The following COL22A1 variants were observed in gnomAD, a reference collection of about 807,000 sequenced individuals.
The protein encoded by COL22A1 is collagen type XXII alpha 1 chain.
A neutral mutation model predicts 248.9 loss-of-function variants in COL22A1; 221 were observed. The ratio of observed to expected loss-of-function variants is 0.89; its 90% CI spans 0.80 to 0.99. The LOEUF (loss-of-function observed/expected upper bound fraction) is 0.99. Ranked by LOEUF, COL22A1 falls within the 50% of genes least tolerant of loss-of-function variation. The pLI is 0.00. For missense variants in COL22A1, 2,240 were observed against 2,179.0 expected (o/e 1.03, Z -0.56); for synonymous variants, 891 against 793.4 (o/e 1.12, Z -2.07).
At chr8:138,823,277 C>G (rs1372747658) in intron 6 of COL22A1, among the ~76,000 whole-genome samples, 1 of 152,082 alleles carries the variant, frequency 6.6e-6, no homozygotes, top group African/African-American at 2.4e-5. Context: ...TATTATTTGC[C>G]AGGCACTGTT....
At chr8:138,748,528 T>A (rs1017197967) in intron 22 of COL22A1, among the ~76,000 whole-genome samples, 5 of 152,188 alleles carry the variant, frequency 3.3e-5, no homozygotes, top group Non-Finnish European at 7.3e-5. Context: ...AGCCTGTCCT[T>A]CATCTGCAGA....
chr8:138,596,996 T>C (rs1817593341), intron 61 of COL22A1, 26 bp from the exon 62 acceptor site: 1 of 1,602,648 alleles, frequency 6.2e-7, no homozygotes, highest in African/African-American at 1.3e-5. Flanking sequence ...GGTGGAGTCA[T>C]TCATCTTCCC....
chr8:138,635,639 C>T (rs1564124593), intron 48 of COL22A1, among the ~76,000 whole-genome samples: 1 of 152,078 alleles, frequency 6.6e-6, no homozygotes, highest in African/African-American at 2.4e-5. Context: ...AGCTTGGAAT[C>T]TAACACTTAG....
chr8:138,756,514 G>T (rs949233994), intron 18 of COL22A1, among the ~76,000 whole-genome samples: 2 of 152,082 alleles, frequency 1.3e-5, no homozygotes, highest in Admixed American at 6.5e-5. Context: ...GGTGCCTTAT[G>T]GCTAAAGCAA....
intron 23 of COL22A1, among the ~76,000 whole-genome samples, chr8:138,731,131 A>C (rs1441571794): frequency 2.0e-5 from 3 of 151,976 alleles, no homozygotes; most frequent in African/African-American, 7.2e-5. Flanking sequence ...GAGAAACCCC[A>C]TCTCTACTAA....
intron 1 of COL22A1, among the ~76,000 whole-genome samples, chr8:138,902,787 A>ACACACACACAC (rs1563907595): frequency 1.0e-5 from 1 of 95,640 alleles, no homozygotes. Context: ...CACACACACT[A>ACACACACACAC]GAACTGACTG....
intron 4 of COL22A1, among the ~76,000 whole-genome samples, chr8:138,842,545 C>T (rs1196444823): frequency 1.3e-5 from 2 of 152,130 alleles, no homozygotes; most frequent in Non-Finnish European, 2.9e-5. Context: ...ATAGATTATC[C>T]GAGAGCCAGA....
In COL22A1 at chr8:138,589,152, A is replaced by AT; in HGVS notation, c.*100_*101insA. 1 of 1,071,052 alleles carries AT rather than the reference A, an allele frequency of 9.3e-7. No homozygotes were observed. The highest frequency in any genetic ancestry group is 1.3e-6 in the Non-Finnish European group (1 of 745,450). The allele number at this position is 1,071,052 out of a possible 1,614,324, so 66.3% of individuals were successfully genotyped here. A position where few individuals can be genotyped will look rare whatever the true frequency, so the allele number is the denominator to read the frequency against. On this transcript the variant is annotated 3_prime_UTR_variant, in exon 65 of 65. Coordinates refer to ENST00000303045, the MANE Select transcript of COL22A1 (RefSeq NM_152888.3). Reference sequence around the variant, plus strand: ...AAACGATAAAAGAAAGAAAAAAAAAAGGAACACATGGCTGAAGTCTTTCAA... The same window carrying AT: ...AAACGATAAAAGAAAGAAAAAAAAAATGGAACACATGGCTGAAGTCTTTCAA...
In COL22A1 at chr8:138,760,240, C is replaced by T. The variant is rs944955759; in HGVS notation, c.1902+3G>A. ...AGCCCTTGACAGCCCCAGGCTCGCT[C>T]ACCTTTTCTCCCTGGGGTCCTGCCA... On this transcript the variant is annotated splice_donor_region_variant and intron_variant, in intron 18 of 64. Transcript: ENST00000303045. 2 of 1,575,004 alleles carry T rather than the reference C, an allele frequency of 1.3e-6. No homozygotes were observed. Among genetic ancestry groups the T allele is most frequent in the Non-Finnish European group, 1.7e-6 (2 of 1,160,082 alleles).
intron 46 of COL22A1, among the ~76,000 whole-genome samples, chr8:138,649,234 G>A (rs1485561717): frequency 6.6e-6 from 1 of 152,158 alleles, no homozygotes; most frequent in Non-Finnish European, 1.5e-5. Context: ...GTAATGGGGT[G>A]TCATAAACAG....
intron 32 of COL22A1, among the ~76,000 whole-genome samples, 173 bp from the exon 33 acceptor site, chr8:138,695,052 C>G (rs1247013081): frequency 6.6e-6 from 1 of 152,158 alleles, no homozygotes; most frequent in Non-Finnish European, 1.5e-5. Context: ...CTCCTACTCC[C>G]CAGGACTGAT....
chr8:138,646,695 T>C lies in COL22A1; in HGVS notation c.3448-13A>G, dbSNP rs556572484. 3.3e-4 allele frequency: 518 copies of C among 1,553,228 alleles called. 7 individuals are homozygous for C. The South Asian group carries it at 6.0e-3, about 18-fold the overall frequency. ...GCCCAGCCTCTCCCTGTATCAGGGA[T>C]ACAAGAAAAAAAAAGAAAACAAGAA... is the stretch of plus-strand genomic sequence containing the variant. On this transcript the variant is annotated splice_polypyrimidine_tract_variant and intron_variant, in intron 46 of 64. Transcript: ENST00000303045.
intron 55 of COL22A1, among the ~76,000 whole-genome samples, chr8:138,615,089 C>G (rs1359360359): frequency 6.6e-6 from 1 of 152,226 alleles, no homozygotes; most frequent in Non-Finnish European, 1.5e-5. Flanking sequence ...ACGCCACATG[C>G]AAAGGGCTGG....
intron 7 of COL22A1, among the ~76,000 whole-genome samples, chr8:138,819,419 T>C (rs775239745): frequency 2.6e-5 from 4 of 151,926 alleles, no homozygotes; most frequent in African/African-American, 4.8e-5. Context: ...TCAGTAAACA[T>C]AGGGAAGGAT....
intron 47 of COL22A1, among the ~76,000 whole-genome samples, chr8:138,642,722 T>C (rs1429406722): frequency 6.6e-6 from 1 of 152,168 alleles, no homozygotes; most frequent in Non-Finnish European, 1.5e-5. Flanking sequence ...TTGATATGAT[T>C]TTACTTCTTT....
At chr8:138,842,829 C>T (rs562894171) in intron 4 of COL22A1, among the ~76,000 whole-genome samples, 26 of 152,330 alleles carry the variant, frequency 1.7e-4, no homozygotes, top group African/African-American at 6.0e-4. Flanking sequence ...CACTGGGCAC[C>T]AGCTACGCAG....
chr8:138,636,877 T>A (rs1335221639), intron 47 of COL22A1, 82 bp from the exon 48 acceptor site: 3 of 1,144,878 alleles, frequency 2.6e-6, no homozygotes, highest in African/African-American at 1.5e-5. Context: ...CATTCATTCA[T>A]CCATTCATTA....
chr8:138,657,552 C>G (rs890854307), intron 44 of COL22A1, among the ~76,000 whole-genome samples: 4 of 152,216 alleles, frequency 2.6e-5, no homozygotes, highest in African/African-American at 7.2e-5. Context: ...TCATTAACAT[C>G]TTGCTGTGAC....
chr8:138,806,100 G>C (rs1440492285), intron 10 of COL22A1, among the ~76,000 whole-genome samples: 4 of 1,806 alleles, frequency 2.2e-3, no homozygotes, highest in East Asian at 0.016. Context: ...GTGTGTGATG[G>C]TGTGTTTGTG....
Sources: gnomAD v4.1 joint callset for allele counts (sites outside exome capture counted in the v4.1 genomes callset) on GRCh38, gnomAD v4.1.1 for gene constraint, MANE v1.5 for transcripts, NCBI Gene and HGNC (gene_info 2026-07-23, HGNC 2026-07-21) for gene names.